The following PIP5KL1 variants were observed in gnomAD, a reference collection of about 807,000 sequenced individuals.
The protein encoded by PIP5KL1 is phosphatidylinositol-4-phosphate 5-kinase like 1.
Under a neutral mutation model 47.6 loss-of-function variants are expected in PIP5KL1, and 45 were observed. That is an observed-to-expected ratio of 0.94 (90% CI 0.74 to 1.21). The LOEUF is 1.21. Ranked by LOEUF, PIP5KL1 falls within the 50% of genes most tolerant of loss-of-function variation. The probability of loss-of-function intolerance (pLI) is 0.00; values close to 1 mark genes in which losing one functional copy is unlikely to be tolerated. For missense variants in PIP5KL1, 577 were observed against 547.6 expected (o/e 1.05, Z -0.54); for synonymous variants, 256 against 234.6 (o/e 1.09, Z -0.84).
rs955632111 is a variant in PIP5KL1 at position 127,927,043 on chromosome 9, G to A, written c.650+110C>T. 2.4e-6 allele frequency: 3 copies of A among 1,269,300 alleles called. No individual in the cohort carries two copies. The highest frequency in any genetic ancestry group is 3.2e-6 in the Non-Finnish European group (3 of 927,916). 78.6% of individuals were successfully genotyped at this position (1,269,300 alleles called of 1,614,324 possible). ...CTCTGACCCACCAGATCTTGGGAAC[G>A]CCCCTTCTCCTTCCTGGGCCTCGGT... On this transcript the variant is annotated intron_variant, in intron 7 of 9. Transcript: ENST00000388747. This position sits in a 1 kb window ranked among gnomAD's most constrained non-coding sequence, Gnocchi z 5.5.
rs558425245 is a variant in PIP5KL1, at chr9:127,923,934, C to A, written c.917+1173G>T. ...ATTTCTCAAATGGGGATGAGTCTAC[C>A]CTCCCAGGGAGGCTCCCAGTCAGCA... On this transcript the variant is annotated intron_variant, in intron 9 of 9. Coordinates refer to ENST00000388747, the MANE Select transcript of PIP5KL1 (RefSeq NM_001135219.2). Among the ~76,000 whole-genome samples, 5 of 152,300 alleles carry A rather than the reference C, an allele frequency of 3.3e-5. No homozygotes were observed. The South Asian group carries it at 1.0e-3, about 32-fold the overall frequency.
chr9:127,927,391 G>C lies in PIP5KL1; in HGVS notation c.560-60C>G. The C allele has an allele frequency of 6.5e-7, 1 of 1,550,378 alleles. No homozygotes were observed. Among genetic ancestry groups the C allele is most frequent in the South Asian group, 1.2e-5 (1 of 85,552 alleles). On this transcript the variant is annotated intron_variant, in intron 5 of 9. Transcript: ENST00000388747. This position sits in a 1 kb window ranked among gnomAD's most constrained non-coding sequence, Gnocchi z 5.5. Reference sequence around the variant, plus strand: ...AAACTCCACAACCCGGGGTGCATCCGGCGCCAATCCCAGCGCCAGGCCACG... The same window carrying C: ...AAACTCCACAACCCGGGGTGCATCCCGCGCCAATCCCAGCGCCAGGCCACG...
Position 127,921,789 on chromosome 9 carries a change from A to C in PIP5KL1, c.*58T>G. On this transcript the variant is annotated 3_prime_UTR_variant, in exon 10 of 10. Coordinates refer to ENST00000388747, the MANE Select transcript of PIP5KL1 (RefSeq NM_001135219.2). The stretch of plus-strand genomic sequence containing the variant: ...AGGCGAGATGCCCGGGCCCGGGGGA[A>C]CCGGCGTTCCTGGCGTGAGCCCATC... 6.6e-7 allele frequency: 1 copy of C among 1,505,160 alleles called. No homozygotes were observed. Among genetic ancestry groups the C allele is most frequent in the East Asian group, 2.4e-5 (1 of 40,984 alleles). 93.2% of individuals were successfully genotyped at this position (1,505,160 alleles called of 1,614,324 possible).
chr9:127,927,982 G>T lies in PIP5KL1; in HGVS notation c.434+83C>A. ...GGGCCGCTCTGTTTCTCTCTTCAGGGGGCCTTCCCCGCCACTGGGAATTCT... is the reference window on the plus strand; with the variant it reads ...GGGCCGCTCTGTTTCTCTCTTCAGGTGGCCTTCCCCGCCACTGGGAATTCT... On this transcript the variant is annotated intron_variant, in intron 4 of 9. Coordinates refer to ENST00000388747, the MANE Select transcript of PIP5KL1 (RefSeq NM_001135219.2). The surrounding 1 kb of genome is among the most constrained non-coding windows in gnomAD (Gnocchi z 5.5). 1 of 1,456,388 alleles carries T rather than the reference G, an allele frequency of 6.9e-7. No individual in the cohort carries two copies. The highest frequency in any genetic ancestry group is 1.4e-5 in the South Asian group (1 of 70,824). The allele number at this position is 1,456,388 out of a possible 1,614,324, so 90.2% of individuals were successfully genotyped here. A position where few individuals can be genotyped will look rare whatever the true frequency, so the allele number is the denominator to read the frequency against.
In PIP5KL1 at chr9:127,925,007, C is replaced by T. The variant is rs1484432644; in HGVS notation, c.917+100G>A. The stretch of plus-strand genomic sequence containing the variant: ...ACTCTGCACTTTCCAGCCTTCATGT[C>T]TTTGGCTGCACTGCTCCCGGTGCAC... On this transcript the variant is annotated intron_variant, in intron 9 of 9. Coordinates refer to ENST00000388747, the MANE Select transcript of PIP5KL1 (RefSeq NM_001135219.2). The T allele has an allele frequency of 4.7e-6, 7 of 1,479,440 alleles. No homozygotes were observed. The Admixed American group carries it at 5.7e-5, about 12-fold the overall frequency. 91.6% of individuals were successfully genotyped at this position (1,479,440 alleles called of 1,614,324 possible).
intron 9 of PIP5KL1, among the ~76,000 whole-genome samples, chr9:127,924,573 T>G (rs555059368): frequency 5.9e-4 from 89 of 150,330 alleles, no homozygotes; most frequent in Non-Finnish European, 1.2e-3. Flanking sequence ...GGAGAATCGC[T>G]TGAATCGGGG....
At chr9:127,924,814 G>A (rs911340494) in intron 9 of PIP5KL1, among the ~76,000 whole-genome samples, 3 of 152,034 alleles carry the variant, frequency 2.0e-5, no homozygotes, top group Admixed American at 2.0e-4. Context: ...TCTGTCCCCT[G>A]CTGCAGTCCA....
chr9:127,927,920 G>T lies in PIP5KL1; in HGVS notation c.434+145C>A, dbSNP rs1432682763. 1.4e-6 allele frequency: 2 copies of T among 1,461,022 alleles called. No homozygotes were observed. Among genetic ancestry groups the T allele is most frequent in the Non-Finnish European group, 1.8e-6 (2 of 1,098,160 alleles). 90.5% of individuals were successfully genotyped at this position (1,461,022 alleles called of 1,614,324 possible). On this transcript the variant is annotated intron_variant, in intron 4 of 9. Transcript: ENST00000388747. This position sits in a 1 kb window ranked among gnomAD's most constrained non-coding sequence, Gnocchi z 5.5. The stretch of plus-strand genomic sequence containing the variant: ...CGGCCCTCGCCCTCCTCTCCTCCCC[G>T]ATCTGTCCACCATCCGGCCCTGACC...
Position 127,927,762 on chromosome 9 carries a change from G to A in PIP5KL1, c.445C>T (p.Arg149Cys), listed in dbSNP as rs1831385104. ...CGCCCCTGGGTCTTCAGGAAGAAGC[G>A]CTGGTCGTGGCTGGGGGGCAAGAGA... ...KASFFLSHDQ[R>C]FFLKTQGRRE... Residue 149 changes from arginine (R) to cysteine (C), a missense_variant, in exon 5 of 10, where the codon CGC becomes TGC. Arg to Cys is a radical substitution (Grantham distance 180, BLOSUM62 -3). Transcript: ENST00000388747. This position sits in a 1 kb window ranked among gnomAD's most constrained non-coding sequence, Gnocchi z 5.5. The A allele has an allele frequency of 6.4e-7, 1 of 1,561,182 alleles. No individual in the cohort carries two copies. The highest frequency in any genetic ancestry group is 8.7e-7 in the Non-Finnish European group (1 of 1,153,910).
At position 127,929,428 on chromosome 9, in the gene PIP5KL1, T is replaced by C. The variant is rs1831407820; in HGVS notation, c.228+260A>G. Among the ~76,000 whole-genome samples, 1 of 151,966 alleles carries C rather than the reference T, an allele frequency of 6.6e-6. No individual in the cohort carries two copies. The highest frequency in any genetic ancestry group is 1.5e-5 in the Non-Finnish European group (1 of 67,982). ...CAAGGAGTATAATCTCCCCCCATTA[T>C]ACAGATGGGGACACTGAGGCCCAGA... is the stretch of plus-strand genomic sequence containing the variant. On this transcript the variant is annotated intron_variant, in intron 2 of 9. Transcript: ENST00000388747. The surrounding 1 kb of genome is among the most constrained non-coding windows in gnomAD (Gnocchi z 4.0).
Position 127,925,961 on chromosome 9 carries a change from G to T in PIP5KL1, c.669C>A (p.Cys223Ter). 6.2e-7 allele frequency: 1 copy of T among 1,613,212 alleles called. No homozygotes were observed. Among genetic ancestry groups the T allele is most frequent in the Non-Finnish European group, 8.5e-7 (1 of 1,179,592 alleles). The change falls in exon 8 of 10, where the codon TGC becomes TGA. Residue 223 changes from cysteine to a stop codon, truncating the protein, a stop_gained. Transcript: ENST00000388747. LOFTEE classifies it high-confidence loss of function. ...RISERYDIKG[C>*]EVSRWVDPAP... Reference sequence around the variant, plus strand: ...CGGGATCCACCCAGCGGCTCACCTCGCAGCCTTTGATGTCATACCTGGGTG... The same window carrying T: ...CGGGATCCACCCAGCGGCTCACCTCTCAGCCTTTGATGTCATACCTGGGTG...
rs183091132 is a variant in PIP5KL1, at chr9:127,929,009, G to A, written c.229-526C>T. Among the ~76,000 whole-genome samples, 15 of 152,364 alleles carry A rather than the reference G, an allele frequency of 9.8e-5. No individual in the cohort carries two copies. Among genetic ancestry groups the A allele is most frequent in the Non-Finnish European group, 2.1e-4 (14 of 68,032 alleles). On this transcript the variant is annotated intron_variant, in intron 2 of 9. Transcript: ENST00000388747. This position sits in a 1 kb window ranked among gnomAD's most constrained non-coding sequence, Gnocchi z 4.0. Reference sequence around the variant, plus strand: ...GGCCCAAGTGGCTGAAGCCAGTGAGGGAGGGATGGAGTGTGAACAAGGCTG... The same window carrying A: ...GGCCCAAGTGGCTGAAGCCAGTGAGAGAGGGATGGAGTGTGAACAAGGCTG...
At chr9:127,924,972 A>G (rs922838504) in intron 9 of PIP5KL1, 135 bp downstream of exon 9, 8 of 1,230,302 alleles carry the variant, frequency 6.5e-6, no homozygotes, top group African/African-American at 3.0e-5. Flanking sequence ...ACACGCACAC[A>G]CACACACAAA....
chr9:127,921,715 G>A lies in PIP5KL1; in HGVS notation c.*132C>T, dbSNP rs1193737589. On this transcript the variant is annotated 3_prime_UTR_variant, in exon 10 of 10. Coordinates refer to ENST00000388747, the MANE Select transcript of PIP5KL1 (RefSeq NM_001135219.2). ...CCGTCAAACGGGACTGCGCGGTTAC[G>A]GTATTAGTTAGGGGATGCTGCCCTC... 8.7e-6 allele frequency: 11 copies of A among 1,262,926 alleles called. No individual in the cohort carries two copies. The highest frequency in any genetic ancestry group is 1.5e-5 in the African/African-American group (1 of 66,248). The allele number at this position is 1,262,926 out of a possible 1,614,324, so 78.2% of individuals were successfully genotyped here. A position where few individuals can be genotyped will look rare whatever the true frequency, so the allele number is the denominator to read the frequency against.
At chr9:127,922,694 CAA>C (rs386416269) in intron 9 of PIP5KL1, among the ~76,000 whole-genome samples, 10 of 89,580 alleles carry the variant, frequency 1.1e-4, no homozygotes, top group African/African-American at 3.2e-4. Flanking sequence ...GACTCTGTCT[CAA>C]AAAAAAAAAA....
Position 127,929,975 on chromosome 9 carries a change from C to A in PIP5KL1, c.31-90G>T. On this transcript the variant is annotated intron_variant, in intron 1 of 9. Coordinates refer to ENST00000388747, the MANE Select transcript of PIP5KL1 (RefSeq NM_001135219.2). The surrounding 1 kb of genome is among the most constrained non-coding windows in gnomAD (Gnocchi z 4.0). ...AGTCCCACTTCCACTACTTGTGAGA[C>A]TTCCCCTCATCTCTCTCTGCCTCAA... The A allele has an allele frequency of 8.5e-7, 1 of 1,174,076 alleles. No individual in the cohort carries two copies. The highest frequency in any genetic ancestry group is 1.2e-6 in the Non-Finnish European group (1 of 861,324). The allele number at this position is 1,174,076 out of a possible 1,614,324, so 72.7% of individuals were successfully genotyped here. A position where few individuals can be genotyped will look rare whatever the true frequency, so the allele number is the denominator to read the frequency against.
Position 127,927,717 on chromosome 9 carries a change from G to A in PIP5KL1, c.490C>T (p.Leu164Phe), listed in dbSNP as rs1304240186. The A allele has an allele frequency of 7.1e-6, 11 of 1,550,314 alleles. No individual in the cohort carries two copies. Among genetic ancestry groups the A allele is most frequent in the Middle Eastern group, 1.7e-4 (1 of 5,882 alleles). ...TGCACGTAGCGGGGCAGGTGGGCGA[G>A]CAGAGCCTGCACCTCTCGGCGCCCC... Reference protein sequence around the residue: ...TQGRREVQALLAHLPRYVQHL... With the variant: ...TQGRREVQALFAHLPRYVQHL... Residue 164 changes from leucine (L) to phenylalanine (F), a missense_variant, in exon 5 of 10, where the codon CTC becomes TTC. Physicochemically the swap from Leu to Phe is conservative, Grantham distance 22. Coordinates refer to ENST00000388747, the MANE Select transcript of PIP5KL1 (RefSeq NM_001135219.2). The surrounding 1 kb of genome is among the most constrained non-coding windows in gnomAD (Gnocchi z 5.5).
chr9:127,921,584 C>A lies in PIP5KL1; in HGVS notation c.*263G>T. 6 of 503,592 alleles carry A rather than the reference C, an allele frequency of 1.2e-5. No individual in the cohort carries two copies. The highest frequency in any genetic ancestry group is 9.9e-5 in the South Asian group (4 of 40,204). 31.2% of individuals were successfully genotyped at this position (503,592 alleles called of 1,614,324 possible). A position where few individuals can be genotyped will look rare whatever the true frequency, so the allele number is the denominator to read the frequency against. The stretch of plus-strand genomic sequence containing the variant: ...ATGATCTTGATCAGTCCCTTCACCC[C>A]CTGAGCCTCCATTTCATGGTCTGTA... On this transcript the variant is annotated 3_prime_UTR_variant, in exon 10 of 10. Transcript: ENST00000388747.
In PIP5KL1 at chr9:127,928,086, C is replaced by T; in HGVS notation, c.413G>A (p.Ser138Asn). 6.5e-7 allele frequency: 1 copy of T among 1,540,384 alleles called. No individual in the cohort carries two copies. Among genetic ancestry groups the T allele is most frequent in the South Asian group, 1.2e-5 (1 of 84,668 alleles). Residue 138 changes from serine (S) to asparagine (N), a missense_variant, in exon 4 of 10, where the codon AGC becomes AAC. Ser to Asn is a conservative substitution (Grantham distance 46). Transcript: ENST00000388747. The stretch of plus-strand genomic sequence containing the variant: ...TCACGACAGGAAGAAGCTGGCCTTG[C>T]TCTTGGAGGTGCTGAGGAACTGCAG... ...PYLQFLSTSK[S>N]KASFFLSHDQ...
Sources: allele counts gnomAD v4.1 joint callset (sites outside exome capture counted in the v4.1 genomes callset), GRCh38; gene constraint gnomAD v4.1.1; non-coding constraint Gnocchi (gnomAD v3.1); transcripts MANE v1.5; gene names NCBI Gene and HGNC (gene_info 2026-07-23, HGNC 2026-07-21).